Variants in GRHL3 observed in about 807,000 individuals in gnomAD.
GRHL3 encodes grainyhead like transcription factor 3, also known as grainyhead-like protein 3 homolog.
A neutral mutation model predicts 70.3 loss-of-function variants in GRHL3; 20 were observed. The observed-to-expected ratio is 0.28, with a 90% CI of 0.20 to 0.41. GRHL3 has a LOEUF of 0.41. Ranked by LOEUF, GRHL3 falls within the 10% of genes least tolerant of loss-of-function variation. The probability of loss-of-function intolerance (pLI) is 1.00; values close to 1 mark genes in which losing one functional copy is unlikely to be tolerated. For missense variants in GRHL3, 637 were observed against 762.3 expected, an observed-to-expected ratio of 0.84 and a Z score of 1.94; for synonymous variants, 299 against 299.9, an observed-to-expected ratio of 1.00 and a Z score of 0.03.
At position 24,344,883 on chromosome 1, in the gene GRHL3, T is replaced by C. The variant is rs776099673; in HGVS notation, c.1420-14T>C. On this transcript the variant is annotated splice_polypyrimidine_tract_variant and intron_variant, in intron 11 of 15. Coordinates refer to ENST00000361548, the MANE Select transcript of GRHL3 (RefSeq NM_198173.3). Reference sequence around the variant, plus strand: ...CTGCGTGTGATGGAAAATGTCTTTTTCACTTCATTGCAGGCAGCCCCCTCG... The same window carrying C: ...CTGCGTGTGATGGAAAATGTCTTTTCCACTTCATTGCAGGCAGCCCCCTCG... The C allele has an allele frequency of 6.2e-7, 1 of 1,613,630 alleles. No homozygotes were observed. The highest frequency in any genetic ancestry group is 8.5e-7 in the Non-Finnish European group (1 of 1,179,716).
At chr1:24,357,711 G>A (rs148728935), downstream of GRHL3, 592 of 166,752 alleles carry the variant, frequency 3.6e-3, 7 homozygotes, top group Non-Finnish European at 6.1e-3. Context: ...CCCACCCACC[G>A]CGAATCTGTG....
chr1:24,353,404 G>T (rs1569930481), intron 15 of GRHL3, among the ~76,000 whole-genome samples: 1 of 151,932 alleles, frequency 6.6e-6, no homozygotes, highest in African/African-American at 2.4e-5. Flanking sequence ...TGGATGGGTG[G>T]GGGTGTGGGT....
chr1:24,353,019 A>G (rs1337006354), intron 15 of GRHL3, among the ~76,000 whole-genome samples: 1 of 152,190 alleles, frequency 6.6e-6, no homozygotes, highest in Admixed American at 6.5e-5. Flanking sequence ...GAACTCTCCC[A>G]TAGCCCTGGA....
At chr1:24,341,991 G>A (rs1049265747) in intron 8 of GRHL3, 124 bp from the exon 9 acceptor site, 3 of 821,118 alleles carry the variant, frequency 3.7e-6, no homozygotes, top group East Asian at 5.4e-5. Flanking sequence ...TGCCTTCTAG[G>A]GGCCTAGTGA....
chr1:24,343,568 A>G (rs1640131269), intron 11 of GRHL3, among the ~76,000 whole-genome samples: 1 of 152,080 alleles, frequency 6.6e-6, no homozygotes, highest in African/African-American at 2.4e-5. Context: ...TTTCCCCACT[A>G]GCTGCTCCGC....
At position 24,329,271 on chromosome 1, in the gene GRHL3, G is replaced by A. The variant is rs530322643; in HGVS notation, c.18-2155G>A. 1.7e-3 allele frequency among the ~76,000 whole-genome samples: 253 copies of A among 152,310 alleles called. 3 individuals carry two copies. The highest frequency in any genetic ancestry group is 2.9e-3 in the Non-Finnish European group (197 of 68,020). On this transcript the variant is annotated intron_variant, in intron 1 of 15. Transcript: ENST00000361548. Reference sequence around the variant, plus strand: ...GGATGAAGCCGCTGGGAGAGCTGCCGCCTCCTGTATGCTGAGGTATGGCCT... The same window carrying A: ...GGATGAAGCCGCTGGGAGAGCTGCCACCTCCTGTATGCTGAGGTATGGCCT...
intron 2 of GRHL3, among the ~76,000 whole-genome samples, chr1:24,332,943 G>C (rs1056091474): frequency 1.3e-5 from 2 of 152,172 alleles, no homozygotes; most frequent in African/African-American, 4.8e-5. Context: ...AGCCCAGGTC[G>C]ATGGAAGAGG....
intron 1 of GRHL3, chr1:24,319,903 G>A (rs547644870): frequency 4.8e-6 from 2 of 419,442 alleles, no homozygotes; most frequent in South Asian, 2.5e-5. Flanking sequence ...CAATCCCATC[G>A]AGGCTTTCTA....
At chr1:24,354,280 C>A in intron 15 of GRHL3, 94 bp from the exon 16 acceptor site, 1 of 781,046 alleles carries the variant, frequency 1.3e-6, no homozygotes, top group South Asian at 1.6e-5. Context: ...GGCAGGTACC[C>A]ACTGGGTATG....
At chr1:24,330,867 T>C (rs1319576633) in intron 1 of GRHL3, among the ~76,000 whole-genome samples, 1 of 152,248 alleles carries the variant, frequency 6.6e-6, no homozygotes. Context: ...CTCAAAACTC[T>C]ACAATAAAAT....
At chr1:24,328,866 A>G (rs998573711) in intron 1 of GRHL3, among the ~76,000 whole-genome samples, 3 of 152,252 alleles carry the variant, frequency 2.0e-5, no homozygotes, top group Non-Finnish European at 4.4e-5. Context: ...AATGAGGAAC[A>G]GTGCTAAGCA....
rs578193984 is a variant in GRHL3, at chr1:24,321,667, T to G, written c.17+2099T>G. 6.6e-6 allele frequency: 1 copy of G among 152,398 alleles called. No homozygotes were observed. The highest frequency in any genetic ancestry group is 1.5e-5 in the Non-Finnish European group (1 of 68,080). The allele number at this position is 152,398 out of a possible 1,614,324, so 9.4% of individuals were successfully genotyped here. On this transcript the variant is annotated intron_variant, in intron 1 of 15. Coordinates refer to ENST00000361548, the MANE Select transcript of GRHL3 (RefSeq NM_198173.3). The surrounding 1 kb of genome is among the most constrained non-coding windows in gnomAD (Gnocchi z 4.0). ...TGCTCATCTGTCTGTAACACCTACC[T>G]GGCAGGAACAACTGTGAGCTCCCAA...
At chr1:24,353,588 G>C (rs1192243846) in intron 15 of GRHL3, among the ~76,000 whole-genome samples, 1 of 152,042 alleles carries the variant, frequency 6.6e-6, no homozygotes, top group East Asian at 1.9e-4. Flanking sequence ...GGTGGATGGT[G>C]AATGTGTGGG....
In GRHL3 at chr1:24,331,668, C is replaced by A. The variant is rs570442404; in HGVS notation, c.204+56C>A. ...TTTGACTGAATGGGTGTCTTCACTT[C>A]AGGCCTCATGGCTCAGCAGCCCACC... On this transcript the variant is annotated intron_variant, in intron 2 of 15. Coordinates refer to ENST00000361548, the MANE Select transcript of GRHL3 (RefSeq NM_198173.3). 5 of 1,499,692 alleles carry A rather than the reference C, an allele frequency of 3.3e-6. No homozygotes were observed. In the African/African-American group the frequency reaches 4.1e-5, roughly 12 times the overall value. 92.9% of individuals were successfully genotyped at this position (1,499,692 alleles called of 1,614,324 possible).
In GRHL3 at chr1:24,337,533, A is replaced by G. The variant is rs988943645; in HGVS notation, c.687-103A>G. 1.2e-5 allele frequency: 15 copies of G among 1,240,546 alleles called. No individual in the cohort carries two copies. In the African/African-American group the frequency reaches 1.5e-4, roughly 12 times the overall value. The allele number at this position is 1,240,546 out of a possible 1,614,324, so 76.8% of individuals were successfully genotyped here. A position where few individuals can be genotyped will look rare whatever the true frequency, so the allele number is the denominator to read the frequency against. On this transcript the variant is annotated intron_variant, in intron 5 of 15. Coordinates refer to ENST00000361548, the MANE Select transcript of GRHL3 (RefSeq NM_198173.3). ...AAGTAAGGTTATTTTCCAAGGTCAA[A>G]CAGCAAGTCTGTAACATAGCCTCAG...
At chr1:24,336,970 C>A in intron 4 of GRHL3, 108 bp from the exon 5 acceptor site, 1 of 1,256,608 alleles carries the variant, frequency 8.0e-7, no homozygotes, top group Non-Finnish European at 1.1e-6. Context: ...GTACTATTGT[C>A]CAAGTTGTAC....
downstream of GRHL3, chr1:24,358,683 A>G: frequency 7.6e-7 from 1 of 1,319,896 alleles, no homozygotes; most frequent in Non-Finnish European, 1.1e-6. Flanking sequence ...AGTCTCTGGC[A>G]TTCTACCTCA....
rs6694170 is a variant in GRHL3 at position 24,364,186 on chromosome 1, G to T, written c.1696G>T (p.Glu566Ter). The T allele has an allele frequency of 2.0e-6, 3 of 1,489,074 alleles. No individual in the cohort carries two copies. The highest frequency in any genetic ancestry group is 2.7e-6 in the Non-Finnish European group (3 of 1,117,876). 92.2% of individuals were successfully genotyped at this position (1,489,074 alleles called of 1,614,324 possible). The change falls in exon 16 of 16, where the codon GAA becomes TAA. Residue 566 changes from glutamate (E) to a stop codon, truncating the protein, a stop_gained and splice_region_variant. Transcript: ENST00000350501. LOFTEE classifies it low-confidence loss of function (END_TRUNC). ...CTTGACGTTCTCACTTTCTTCCAGG[G>T]AAACTTCTCTCCTCCACCCACGCCT...
chr1:24,356,361 T>A (rs2148670698), downstream of GRHL3, among the ~76,000 whole-genome samples: 1 of 152,270 alleles, frequency 6.6e-6, no homozygotes. Context: ...TGCCTCAGCC[T>A]CCTGAGTAGC....
Sources: allele counts gnomAD v4.1 joint callset (sites outside exome capture counted in the v4.1 genomes callset), GRCh38; gene constraint gnomAD v4.1.1; non-coding constraint Gnocchi (gnomAD v3.1); transcripts MANE v1.5; gene names NCBI Gene and HGNC (gene_info 2026-07-23, HGNC 2026-07-21).